Variants in LRRIQ4 observed in about 807,000 individuals in gnomAD.
LRRIQ4 encodes leucine-rich repeat and IQ domain-containing protein 4.
Under a neutral mutation model 40.1 loss-of-function variants are expected in LRRIQ4, and 21 were observed. That is an observed-to-expected ratio of 0.52 (90% CI 0.37 to 0.75). The LOEUF (loss-of-function observed/expected upper bound fraction) is 0.75, where lower values mean the gene tolerates loss of function less well. Among genes scored for constraint, LRRIQ4 ranks in the 30% least tolerant of loss-of-function variants. The pLI is 0.00. For synonymous variants in LRRIQ4, 277 were observed against 277.1 expected (o/e 1.00, Z 0.00); for missense variants, 655 against 660.0 (o/e 0.99, Z 0.08).
intron 2 of LRRIQ4, among the ~76,000 whole-genome samples, chr3:169,824,776 G>C (rs1780003743): frequency 6.6e-6 from 1 of 152,038 alleles, no homozygotes; most frequent in East Asian, 1.9e-4. Context: ...GCCTCACAAA[G>C]TGCTGGGATT....
At chr3:169,831,797 A>C (rs1442210915) in intron 4 of LRRIQ4, among the ~76,000 whole-genome samples, 2 of 151,224 alleles carry the variant, frequency 1.3e-5, no homozygotes, top group Non-Finnish European at 2.9e-5. Context: ...GTGAAAACCC[A>C]TCTCTACTAA....
At position 169,830,565 on chromosome 3, in the gene LRRIQ4, TAGA is replaced by T. The variant is rs1251893228; in HGVS notation, c.1271_1273del (p.Glu424del). 2 of 1,613,632 alleles carry T rather than the reference TAGA, an allele frequency of 1.2e-6. No homozygotes were observed. The highest frequency in any genetic ancestry group is 2.2e-5 in the East Asian group (1 of 44,892). On this transcript the variant is annotated inframe_deletion, in exon 4 of 6. Coordinates refer to ENST00000340806, the MANE Select transcript of LRRIQ4 (RefSeq NM_001080460.3). ...GTATCCTTGGGGTCAATGCCTAACCTAGAAGTTCTTGATTGCCGGCACAATTTG... is the reference window on the plus strand; with the variant it reads ...GTATCCTTGGGGTCAATGCCTAACCTAGTTCTTGATTGCCGGCACAATTTG...
At chr3:169,818,816 A>G (rs751895139) in intron 1 of LRRIQ4, among the ~76,000 whole-genome samples, 1 of 152,198 alleles carries the variant, frequency 6.6e-6, no homozygotes, top group Non-Finnish European at 1.5e-5. Flanking sequence ...TTTAAGCAAA[A>G]TCTTGAAATT....
chr3:169,814,024 G>C (rs1189283471), intron 1 of LRRIQ4, among the ~76,000 whole-genome samples: 1 of 152,134 alleles, frequency 6.6e-6, no homozygotes, highest in Non-Finnish European at 1.5e-5. Flanking sequence ...TTTCAGTTTT[G>C]CTGTGTATAG....
intron 5 of LRRIQ4, among the ~76,000 whole-genome samples, chr3:169,834,100 G>A (rs376617506): frequency 2.0e-5 from 3 of 152,176 alleles, no homozygotes; most frequent in East Asian, 1.9e-4. Context: ...GGTGGCTCTC[G>A]CCTGTAATCC....
chr3:169,819,451 AT>A (rs1361247168), intron 1 of LRRIQ4, among the ~76,000 whole-genome samples: 54 of 152,326 alleles, frequency 3.5e-4, no homozygotes, highest in African/African-American at 1.1e-3. Flanking sequence ...AGACACCCTC[AT>A]ATTAATTCTA....
chr3:169,818,733 A>G (rs1327440964), intron 1 of LRRIQ4, among the ~76,000 whole-genome samples: 1 of 152,210 alleles, frequency 6.6e-6, no homozygotes, highest in Non-Finnish European at 1.5e-5. Context: ...TCCAGTCTGA[A>G]GTCAATTAAG....
intron 2 of LRRIQ4, among the ~76,000 whole-genome samples, chr3:169,827,067 G>T (rs1018937929): frequency 6.6e-6 from 1 of 152,134 alleles, no homozygotes; most frequent in African/African-American, 2.4e-5. Flanking sequence ...AGAGGTGGGG[G>T]TGGGAGTGGC....
At chr3:169,823,096 C>CT (rs1405486149) in intron 2 of LRRIQ4, among the ~76,000 whole-genome samples, 155 bp downstream of exon 2, 1 of 152,154 alleles carries the variant, frequency 6.6e-6, no homozygotes, top group African/African-American at 2.4e-5. Context: ...GTATTACTCT[C>CT]TTTTTCCCTA....
intron 2 of LRRIQ4, among the ~76,000 whole-genome samples, chr3:169,827,316 G>T (rs1050760079): frequency 3.9e-5 from 6 of 152,120 alleles, no homozygotes; most frequent in African/African-American, 1.4e-4. Context: ...TTTTAAGAAT[G>T]AGATTTTTTC....
intron 2 of LRRIQ4, 72 bp downstream of exon 2, chr3:169,823,013 C>A: frequency 7.6e-7 from 1 of 1,308,426 alleles, no homozygotes; most frequent in Non-Finnish European, 1.0e-6. Context: ...GGTTCTGTAT[C>A]TAAACAGCAA....
At chr3:169,829,788 A>G (rs1780121640) in intron 3 of LRRIQ4, among the ~76,000 whole-genome samples, 1 of 152,232 alleles carries the variant, frequency 6.6e-6, no homozygotes, top group African/African-American at 2.4e-5. Context: ...GGCATAAACC[A>G]CCGTGTCTGA....
chr3:169,823,643 G>A (rs1040048799), intron 2 of LRRIQ4, among the ~76,000 whole-genome samples: 10 of 152,120 alleles, frequency 6.6e-5, no homozygotes, highest in Non-Finnish European at 1.2e-4. Flanking sequence ...ACCGCGCACG[G>A]CCCAGGGTCT....
At chr3:169,817,039 TG>T (rs1385974861) in intron 1 of LRRIQ4, among the ~76,000 whole-genome samples, 2 of 151,960 alleles carry the variant, frequency 1.3e-5, no homozygotes, top group Non-Finnish European at 2.9e-5. Flanking sequence ...ATTGTTTATT[TG>T]AAGTTTTCTG....
chr3:169,832,889 T>A, intron 4 of LRRIQ4, 98 bp from the exon 5 acceptor site: 1 of 1,054,964 alleles, frequency 9.5e-7, no homozygotes, highest in Middle Eastern at 2.4e-4. Flanking sequence ...CCTTTGCAAA[T>A]GCAGAATTGG....
At chr3:169,814,501 T>TTTGTTTG (rs1560607379) in intron 1 of LRRIQ4, among the ~76,000 whole-genome samples, 3 of 146,274 alleles carry the variant, frequency 2.1e-5, no homozygotes, top group African/African-American at 7.6e-5. Flanking sequence ...TTGTTTGTTT[T>TTTGTTTG]TTGAGACAGA....
Position 169,818,644 on chromosome 3 carries a change from G to C in LRRIQ4, c.-31-3247G>C, listed in dbSNP as rs563753651. On this transcript the variant is annotated intron_variant, in intron 1 of 5. Coordinates refer to ENST00000340806, the MANE Select transcript of LRRIQ4 (RefSeq NM_001080460.3). Reference sequence around the variant, plus strand: ...ATCTGCTATTTTTCAAGTGTCTTTAGCTTAAAGTAATCCTCATACCAAAGT... The same window carrying C: ...ATCTGCTATTTTTCAAGTGTCTTTACCTTAAAGTAATCCTCATACCAAAGT... Among the ~76,000 whole-genome samples, 65 of 152,316 alleles carry C rather than the reference G, an allele frequency of 4.3e-4. 1 individual carries two copies. The South Asian group carries it at 0.013, about 31-fold the overall frequency.
intron 5 of LRRIQ4, 39 bp downstream of exon 5, chr3:169,833,222 A>C (rs1780226768): frequency 6.5e-7 from 1 of 1,540,410 alleles, no homozygotes; most frequent in Non-Finnish European, 8.9e-7. Context: ...GTTGCTTTAG[A>C]GGGAGTCTAA....
At chr3:169,826,033 C>CA (rs1392792040) in intron 2 of LRRIQ4, among the ~76,000 whole-genome samples, 2 of 152,108 alleles carry the variant, frequency 1.3e-5, no homozygotes, top group Admixed American at 6.5e-5. Flanking sequence ...TGTGTGCATG[C>CA]AAAAAATATC....
Sources: allele counts gnomAD v4.1 joint callset (sites outside exome capture counted in the v4.1 genomes callset), GRCh38; gene constraint gnomAD v4.1.1; transcripts MANE v1.5; gene names NCBI Gene and HGNC (gene_info 2026-07-23, HGNC 2026-07-21).